CSMD1: variants seen among roughly 807,000 people sequenced by gnomAD.
CSMD1 encodes CUB and sushi domain-containing protein 1.
CSMD1 carries 213 observed loss-of-function variants against 417.5 expected under a neutral mutation model. The ratio of observed to expected loss-of-function variants is 0.51; its 90% CI spans 0.46 to 0.57. CSMD1 has a LOEUF of 0.57. Among genes scored for constraint, CSMD1 ranks in the 20% least tolerant of loss-of-function variants. The probability of loss-of-function intolerance (pLI) is 0.00; values close to 1 mark genes in which losing one functional copy is unlikely to be tolerated. For synonymous variants in CSMD1, 2,862 were observed against 1,736.8 expected, an observed-to-expected ratio of 1.65 and a Z score of -16.11; for missense variants, 6,923 against 4,529.7, an observed-to-expected ratio of 1.53 and a Z score of -15.17.
intron 3 of CSMD1, among the ~76,000 whole-genome samples, chr8:4,204,721 C>T (rs1164287799): frequency 3.3e-5 from 5 of 152,164 alleles, no homozygotes; most frequent in Non-Finnish European, 7.3e-5. Context: ...GCAGTCAGAT[C>T]ATAGCTCACT....
chr8:4,184,057 A>C (rs1355050879), intron 3 of CSMD1, among the ~76,000 whole-genome samples: 1 of 152,162 alleles, frequency 6.6e-6, no homozygotes, highest in East Asian at 1.9e-4. Flanking sequence ...GTTATTATCT[A>C]CCCTGCAATA....
intron 37 of CSMD1, among the ~76,000 whole-genome samples, chr8:3,178,313 T>C (rs1341401196): frequency 6.6e-5 from 10 of 152,032 alleles, no homozygotes; most frequent in African/African-American, 2.4e-4. Context: ...ACTCCTGAGA[T>C]AGAAGTAGAT....
At chr8:4,312,809 G>A (rs1311098597) in intron 3 of CSMD1, among the ~76,000 whole-genome samples, 2 of 152,218 alleles carry the variant, frequency 1.3e-5, no homozygotes, top group African/African-American at 4.8e-5. Context: ...GGGTGGTGGA[G>A]GTTGCAGTTA....
rs1474163634 is a variant in CSMD1, at chr8:3,223,879, CAA to C, written c.4346-14_4346-13del. The C allele has an allele frequency of 1.9e-6, 3 of 1,613,110 alleles. No individual in the cohort carries two copies. The highest frequency in any genetic ancestry group is 2.5e-6 in the Non-Finnish European group (3 of 1,179,486). On this transcript the variant is annotated splice_polypyrimidine_tract_variant and intron_variant, in intron 27 of 69. Transcript: ENST00000635120. ...CCCTCCACAAGCAGCTGTCACAGAA[CAA>C]AAGTTACAGAGAAAAAGTAAGGACA...
chr8:3,912,418 G>C (rs75570757), intron 5 of CSMD1, among the ~76,000 whole-genome samples: 1,779 of 152,214 alleles, frequency 0.012, 33 homozygotes, highest in African/African-American at 0.041. Flanking sequence ...AATAGGGTGG[G>C]ACGATTTCTA....
At chr8:3,550,174 T>C (rs1798848966) in intron 10 of CSMD1, among the ~76,000 whole-genome samples, 1 of 152,206 alleles carries the variant, frequency 6.6e-6, no homozygotes. Flanking sequence ...CTTCACCTTT[T>C]GATCCCGATT....
At chr8:3,491,974 C>G (rs10093733) in intron 11 of CSMD1, among the ~76,000 whole-genome samples, 2,382 of 152,266 alleles carry the variant, frequency 0.016, 17 homozygotes, top group Middle Eastern at 0.058. Context: ...GGCCTCCACC[C>G]AATTTATTGG....
At chr8:4,103,371 T>C (rs1032495292) in intron 3 of CSMD1, among the ~76,000 whole-genome samples, 1 of 151,556 alleles carries the variant, frequency 6.6e-6, no homozygotes, top group Non-Finnish European at 1.5e-5. Context: ...AGATCTCCAA[T>C]GATTTTCAGG....
intron 20 of CSMD1, among the ~76,000 whole-genome samples, chr8:3,362,109 A>C (rs1809226450): frequency 6.6e-6 from 1 of 152,170 alleles, no homozygotes; most frequent in East Asian, 1.9e-4. Flanking sequence ...TCAAGATAAA[A>C]ATATGCGTTA....
intron 1 of CSMD1, among the ~76,000 whole-genome samples, chr8:4,638,552 G>T (rs1041844880): frequency 7.2e-5 from 11 of 152,328 alleles, no homozygotes; most frequent in African/African-American, 2.6e-4. Context: ...ACACAGGCAG[G>T]ACTTAGGAGG....
intron 8 of CSMD1, among the ~76,000 whole-genome samples, chr8:3,603,720 A>T (rs967457497): frequency 2.0e-5 from 3 of 152,166 alleles, no homozygotes; most frequent in South Asian, 2.1e-4. Flanking sequence ...AAATTTTCTT[A>T]AAAAACCCCC....
intron 10 of CSMD1, among the ~76,000 whole-genome samples, chr8:3,535,199 C>A (rs910117166): frequency 6.6e-6 from 1 of 152,072 alleles, no homozygotes; most frequent in Admixed American, 6.5e-5. Flanking sequence ...AATGATCCTT[C>A]TGTTTCAGCC....
chr8:4,415,465 C>CGT (rs35852448), intron 3 of CSMD1, among the ~76,000 whole-genome samples: 31,347 of 151,992 alleles, frequency 0.21, 3,327 homozygotes, highest in East Asian at 0.3. Flanking sequence ...GTGGCCTGAG[C>CGT]CCACTCTGTG....
At chr8:3,814,689 T>G (rs1237669260) in intron 5 of CSMD1, among the ~76,000 whole-genome samples, 1 of 152,176 alleles carries the variant, frequency 6.6e-6, no homozygotes, top group Non-Finnish European at 1.5e-5. Flanking sequence ...GACATTAGCT[T>G]AGCCCTCTGG....
chr8:4,424,710 T>C (rs73512741), intron 2 of CSMD1, among the ~76,000 whole-genome samples: 7 of 152,078 alleles, frequency 4.6e-5, no homozygotes, highest in African/African-American at 1.7e-4. Flanking sequence ...CAAACAATTG[T>C]TCTTCTCTGC....
At chr8:4,183,611 A>C (rs948805669) in intron 3 of CSMD1, among the ~76,000 whole-genome samples, 1 of 152,354 alleles carries the variant, frequency 6.6e-6, no homozygotes, top group African/African-American at 2.4e-5. Context: ...AACTTTTTTA[A>C]AATGATTCTG....
intron 5 of CSMD1, among the ~76,000 whole-genome samples, chr8:3,948,733 T>G (rs989603381): frequency 2.6e-5 from 4 of 152,166 alleles, no homozygotes; most frequent in Admixed American, 2.6e-4. Context: ...AATAATACAG[T>G]GACTTAATCA....
At chr8:4,402,815 TTTTTTC>T (rs1804736609) in intron 3 of CSMD1, among the ~76,000 whole-genome samples, 8 of 60,342 alleles carry the variant, frequency 1.3e-4, no homozygotes, top group Admixed American at 2.0e-4. Flanking sequence ...TTTTTTTTTT[TTTTTTC>T]TTTTTTTTTT....
chr8:4,179,728 A>C (rs1402043098), intron 3 of CSMD1, among the ~76,000 whole-genome samples: 1 of 118,932 alleles, frequency 8.4e-6, no homozygotes, highest in Non-Finnish European at 1.7e-5. Flanking sequence ...CAACAAATTT[A>C]CAAGAAAAAA....
Sources: allele counts gnomAD v4.1 joint callset (sites outside exome capture counted in the v4.1 genomes callset), GRCh38; gene constraint gnomAD v4.1.1; transcripts MANE v1.5; gene names NCBI Gene and HGNC (gene_info 2026-07-23, HGNC 2026-07-21).